The following ERBB4 variants were observed in gnomAD, a reference collection of about 807,000 sequenced individuals.
The protein encoded by ERBB4 is receptor tyrosine-protein kinase erbB-4.
In ERBB4, 42 loss-of-function variants were observed where a neutral mutation model predicts 158.0. The observed-to-expected ratio is 0.27, with a 90% CI of 0.21 to 0.34. The LOEUF (loss-of-function observed/expected upper bound fraction) is 0.34, where lower values mean the gene tolerates loss of function less well. ERBB4 is among the 10% of genes least tolerant of loss of function. The pLI is 1.00. For missense variants in ERBB4, 1,333 were observed against 1,624.1 expected, an observed-to-expected ratio of 0.82 and a Z score of 3.08; for synonymous variants, 583 against 558.7, an observed-to-expected ratio of 1.04 and a Z score of -0.61.
chr2:212,304,866 G>A (rs941723942), intron 1 of ERBB4, among the ~76,000 whole-genome samples: 6 of 151,300 alleles, frequency 4.0e-5, no homozygotes, highest in African/African-American at 9.7e-5. Flanking sequence ...AGAAAGATTA[G>A]AATCCATAAC....
chr2:211,633,404 A>G (rs2070221331), intron 16 of ERBB4, among the ~76,000 whole-genome samples: 1 of 151,778 alleles, frequency 6.6e-6, no homozygotes, highest in Admixed American at 6.6e-5. Flanking sequence ...GGAATAATAT[A>G]AAATAATATA....
intron 20 of ERBB4, among the ~76,000 whole-genome samples, chr2:211,480,735 C>T (rs1258557908): frequency 6.6e-6 from 1 of 152,126 alleles, no homozygotes; most frequent in Non-Finnish European, 1.5e-5. Context: ...CATTAGGCGT[C>T]ACAGTTTTTA....
At chr2:211,901,762 C>T (rs1398702646) in intron 3 of ERBB4, among the ~76,000 whole-genome samples, 1 of 152,044 alleles carries the variant, frequency 6.6e-6, no homozygotes, top group African/African-American at 2.4e-5. Context: ...TATTTATCAT[C>T]CTTGATATTA....
intron 20 of ERBB4, among the ~76,000 whole-genome samples, chr2:211,515,896 T>TATATATATATATA (rs1553555027): frequency 2.2e-5 from 2 of 88,946 alleles, no homozygotes; most frequent in African/African-American, 1.0e-4. Flanking sequence ...AAAACATATA[T>TATATATATATATA]TATATATATA....
intron 1 of ERBB4, among the ~76,000 whole-genome samples, chr2:212,209,378 C>T (rs2105922550): frequency 6.6e-6 from 1 of 152,180 alleles, no homozygotes; most frequent in Non-Finnish European, 1.5e-5. Context: ...AATGGCTAAT[C>T]TAAAAACATA....
chr2:211,878,651 A>C, intron 3 of ERBB4, among the ~76,000 whole-genome samples: 1 of 29,110 alleles, frequency 3.4e-5, no homozygotes, highest in African/African-American at 1.5e-4. Context: ...AGACAAATTA[A>C]GTTTTGTTTT....
chr2:212,055,123 G>C (rs1351117461), intron 2 of ERBB4, among the ~76,000 whole-genome samples: 2 of 152,152 alleles, frequency 1.3e-5, no homozygotes, highest in Non-Finnish European at 2.9e-5. Context: ...TTTTCCAATG[G>C]TCTTAGCAAA....
intron 3 of ERBB4, among the ~76,000 whole-genome samples, chr2:211,854,132 C>T (rs1575251804): frequency 6.6e-6 from 1 of 151,986 alleles, no homozygotes; most frequent in Non-Finnish European, 1.5e-5. Context: ...AAAAATTAGA[C>T]CTAGACCTAT....
At chr2:212,137,639 G>C (rs1204234036) in intron 1 of ERBB4, among the ~76,000 whole-genome samples, 1 of 152,116 alleles carries the variant, frequency 6.6e-6, no homozygotes, top group Non-Finnish European at 1.5e-5. Flanking sequence ...GAACATACAC[G>C]TGCATGTGTC....
chr2:211,840,567 TA>T (rs1378776757), intron 3 of ERBB4, among the ~76,000 whole-genome samples: 1 of 152,040 alleles, frequency 6.6e-6, no homozygotes, highest in Non-Finnish European at 1.5e-5. Context: ...AAATTGGCTT[TA>T]AAAAAGGTTC....
At chr2:211,946,781 A>C (rs1575418881) in intron 3 of ERBB4, among the ~76,000 whole-genome samples, 1 of 151,776 alleles carries the variant, frequency 6.6e-6, no homozygotes, top group East Asian at 1.9e-4. Context: ...GAAAAGTAAC[A>C]GTGGGATAGC....
At chr2:211,554,592 G>A (rs945108671) in intron 20 of ERBB4, among the ~76,000 whole-genome samples, 1 of 152,216 alleles carries the variant, frequency 6.6e-6, no homozygotes, top group South Asian at 2.1e-4. Context: ...CACAGGTACT[G>A]TCTGCCTGTT....
chr2:211,467,279 C>T (rs546064968), intron 20 of ERBB4, among the ~76,000 whole-genome samples: 21 of 152,176 alleles, frequency 1.4e-4, no homozygotes, highest in Non-Finnish European at 3.1e-4. Flanking sequence ...GTTCTCACTA[C>T]ATTCTGACTC....
At chr2:211,524,828 T>A (rs150059350) in intron 20 of ERBB4, among the ~76,000 whole-genome samples, 13,286 of 151,450 alleles carry the variant, frequency 0.088, 765 homozygotes, top group African/African-American at 0.17. Flanking sequence ...GCTCCCACAG[T>A]GCAGCGGTGG....
chr2:211,850,670 G>A (rs562593577), intron 3 of ERBB4, among the ~76,000 whole-genome samples: 19 of 151,894 alleles, frequency 1.3e-4, no homozygotes, highest in African/African-American at 1.9e-4. Flanking sequence ...AAGGAGCAAG[G>A]TGTTTGGAGA....
intron 9 of ERBB4, among the ~76,000 whole-genome samples, chr2:211,710,843 C>A (rs2073670251): frequency 6.6e-6 from 1 of 151,970 alleles, no homozygotes; most frequent in South Asian, 2.1e-4. Flanking sequence ...ATTGTGAGGC[C>A]TCCCCAGCCA....
At chr2:211,797,498 T>C (rs963307808) in intron 3 of ERBB4, among the ~76,000 whole-genome samples, 5 of 151,940 alleles carry the variant, frequency 3.3e-5, no homozygotes, top group Non-Finnish European at 5.9e-5. Flanking sequence ...AATATTGCTA[T>C]GTATGTTTGT....
chr2:212,471,835 A>G (rs1220732716), intron 1 of ERBB4, among the ~76,000 whole-genome samples: 1 of 151,854 alleles, frequency 6.6e-6, no homozygotes, highest in Non-Finnish European at 1.5e-5. Flanking sequence ...TTTTGATGAC[A>G]GCCAAAAGCA....
At chr2:212,392,847 C>G (rs1287661091) in intron 1 of ERBB4, among the ~76,000 whole-genome samples, 1 of 152,030 alleles carries the variant, frequency 6.6e-6, no homozygotes, top group East Asian at 1.9e-4. Context: ...ATGATATTCT[C>G]TAACTAAGAC....
Sources: gnomAD v4.1 joint callset for allele counts (sites outside exome capture counted in the v4.1 genomes callset) on GRCh38, gnomAD v4.1.1 for gene constraint, MANE v1.5 for transcripts, NCBI Gene and HGNC (gene_info 2026-07-23, HGNC 2026-07-21) for gene names.